The following EYA1 variants were observed in gnomAD, a reference collection of about 807,000 sequenced individuals.
The protein encoded by EYA1 is protein phosphatase EYA1.
A neutral mutation model predicts 82.0 loss-of-function variants in EYA1; 16 were observed. That is an observed-to-expected ratio of 0.20 (90% CI 0.13 to 0.30). The LOEUF is 0.30. Among genes scored for constraint, EYA1 ranks in the 10% least tolerant of loss-of-function variants. The pLI is 1.00. For synonymous variants in EYA1, 261 were observed against 264.4 expected, an observed-to-expected ratio of 0.99 and a Z score of 0.12; for missense variants, 633 against 730.7, an observed-to-expected ratio of 0.87 and a Z score of 1.54.
At chr8:71,546,626 C>T (rs1357523119) in intron 1 of EYA1, among the ~76,000 whole-genome samples, 1 of 151,960 alleles carries the variant, frequency 6.6e-6, no homozygotes, top group African/African-American at 2.4e-5. Context: ...CTCAGCCTCC[C>T]GAGTAGCTGG....
chr8:71,249,792 T>C (rs1813527822), intron 11 of EYA1, among the ~76,000 whole-genome samples: 1 of 152,164 alleles, frequency 6.6e-6, no homozygotes, highest in Admixed American at 6.5e-5. Flanking sequence ...TACTTATTGG[T>C]CATTTCCACC....
chr8:71,259,951 A>G (rs1232857116), intron 11 of EYA1, among the ~76,000 whole-genome samples: 1 of 152,236 alleles, frequency 6.6e-6, no homozygotes. Flanking sequence ...GTATTACATT[A>G]GATCTGATGT....
At chr8:71,391,840 G>A (rs747903006) in intron 2 of EYA1, among the ~76,000 whole-genome samples, 21 of 152,110 alleles carry the variant, frequency 1.4e-4, no homozygotes, top group Non-Finnish European at 2.8e-4. Context: ...CTTGTATGTA[G>A]AGCTCAGTGG....
At chr8:71,452,565 A>T (rs1807481746) in intron 2 of EYA1, among the ~76,000 whole-genome samples, 1 of 152,176 alleles carries the variant, frequency 6.6e-6, no homozygotes, top group South Asian at 2.1e-4. Flanking sequence ...CCCCTCTGAG[A>T]TGAAGCTTCC....
upstream of EYA1, among the ~76,000 whole-genome samples, chr8:71,364,210 G>A (rs1007204036): frequency 6.6e-6 from 1 of 151,844 alleles, no homozygotes; most frequent in Non-Finnish European, 1.5e-5. Context: ...CTTAGTCACT[G>A]ACTAAAAGTA....
chr8:71,317,010 A>C (rs578025156), intron 7 of EYA1, among the ~76,000 whole-genome samples: 34 of 152,306 alleles, frequency 2.2e-4, no homozygotes, highest in African/African-American at 8.2e-4. Context: ...GATTCTTACA[A>C]GCATTTTCTT....
At position 71,370,123 on chromosome 8, in the gene EYA1, C is replaced by T. The variant is rs914336939; in HGVS notation, c.34-13612G>A. Among the ~76,000 whole-genome samples, 6 of 151,990 alleles carry T rather than the reference C, an allele frequency of 3.9e-5. No individual in the cohort carries two copies. The East Asian group carries it at 1.2e-3, about 29-fold the overall frequency. On this transcript the variant is annotated intron_variant, in intron 2 of 18. Transcript: ENST00000643681. ...TTATCTTAATACTGGTTCATATTTC[C>T]CTTTTAAATTCCTAACCAAAATAAA...
chr8:71,425,076 C>T (rs968636043), intron 2 of EYA1, among the ~76,000 whole-genome samples: 21 of 124,258 alleles, frequency 1.7e-4, no homozygotes, highest in Middle Eastern at 6.4e-3. Context: ...CTGGCTAACA[C>T]GGTGAAACCC....
intron 2 of EYA1, among the ~76,000 whole-genome samples, chr8:71,432,707 A>G (rs1586706211): frequency 6.6e-6 from 1 of 152,324 alleles, no homozygotes; most frequent in African/African-American, 2.4e-5. Flanking sequence ...CTCTTTTCAA[A>G]TACAGTTGTA....
intron 2 of EYA1, among the ~76,000 whole-genome samples, chr8:71,396,664 T>G (rs1438269905): frequency 6.6e-6 from 1 of 152,212 alleles, no homozygotes; most frequent in African/African-American, 2.4e-5. Context: ...GACAGTTTGT[T>G]ATAATTTCTG....
At chr8:71,493,673 T>G (rs963568456) in intron 2 of EYA1, among the ~76,000 whole-genome samples, 1 of 151,736 alleles carries the variant, frequency 6.6e-6, no homozygotes, top group African/African-American at 2.4e-5. Flanking sequence ...TCATTATATA[T>G]TATATATTAT....
At chr8:71,516,531 A>G (rs959366943) in intron 2 of EYA1, among the ~76,000 whole-genome samples, 2 of 152,184 alleles carry the variant, frequency 1.3e-5, no homozygotes, top group Non-Finnish European at 2.9e-5. Context: ...ACTCTGAGAG[A>G]TGGTTCAAGA....
intron 12 of EYA1, among the ~76,000 whole-genome samples, chr8:71,242,304 C>A (rs555065450): frequency 6.6e-6 from 1 of 152,216 alleles, no homozygotes; most frequent in Admixed American, 6.5e-5. Flanking sequence ...TTTCCAAAGA[C>A]AGACTAAATG....
At chr8:71,331,283 C>CAT (rs1290033969) in intron 4 of EYA1, among the ~76,000 whole-genome samples, 33 of 113,700 alleles carry the variant, frequency 2.9e-4, no homozygotes, top group South Asian at 1.5e-3. Flanking sequence ...CACACACACA[C>CAT]ACATATATAT....
chr8:71,400,499 A>C (rs1159209224), intron 2 of EYA1, among the ~76,000 whole-genome samples: 1 of 152,074 alleles, frequency 6.6e-6, no homozygotes, highest in Non-Finnish European at 1.5e-5. Flanking sequence ...GACACTTCTC[A>C]AAAGCAAACA....
intron 9 of EYA1, among the ~76,000 whole-genome samples, chr8:71,277,584 C>T (rs566892894): frequency 5.9e-4 from 90 of 152,272 alleles, no homozygotes; most frequent in African/African-American, 1.9e-3. Context: ...GTACTCTTAT[C>T]TCTATTATAG....
intron 9 of EYA1, among the ~76,000 whole-genome samples, chr8:71,291,635 T>G (rs1163708608): frequency 6.6e-6 from 1 of 152,248 alleles, no homozygotes; most frequent in Non-Finnish European, 1.5e-5. Context: ...CATTCACTTT[T>G]ATCTTTGTCC....
At chr8:71,283,534 T>G (rs1563394844) in intron 9 of EYA1, among the ~76,000 whole-genome samples, 1 of 152,156 alleles carries the variant, frequency 6.6e-6, no homozygotes, top group Non-Finnish European at 1.5e-5. Context: ...TTAAACTTTT[T>G]TTTTTTTTCC....
rs1809276241 is a variant in EYA1, at chr8:71,216,872, G to GC, written c.1200-21dup. On this transcript the variant is annotated intron_variant, in intron 13 of 17. Coordinates refer to ENST00000340726, the MANE Select transcript of EYA1 (RefSeq NM_000503.6). ...TATGTGCTATTTATATGCAAGAAAA[G>GC]CCCAAAGTTAGCCGAACAGAAAGTC... The GC allele has an allele frequency of 1.9e-6, 3 of 1,613,936 alleles. No individual in the cohort carries two copies. The highest frequency in any genetic ancestry group is 3.3e-5 in the Admixed American group (2 of 59,988).
Sources: gnomAD v4.1 joint callset for allele counts (sites outside exome capture counted in the v4.1 genomes callset) on GRCh38, gnomAD v4.1.1 for gene constraint, MANE v1.5 for transcripts, NCBI Gene and HGNC (gene_info 2026-07-23, HGNC 2026-07-21) for gene names.